Variants in RFX4 observed in about 807,000 individuals in gnomAD.
RFX4 encodes the protein transcription factor RFX4.
A neutral mutation model predicts 95.0 loss-of-function variants in RFX4; 10 were observed. The ratio of observed to expected loss-of-function variants is 0.11; its 90% confidence interval spans 0.06 to 0.18. RFX4 has a LOEUF of 0.18. RFX4 is among the 10% of genes least tolerant of loss of function. RFX4 has a pLI of 1.00. For missense variants in RFX4, 640 were observed against 922.0 expected, an observed-to-expected ratio of 0.69 and a Z score of 3.96; for synonymous variants, 321 against 340.7, an observed-to-expected ratio of 0.94 and a Z score of 0.64.
At chr12:106,684,689 C>G (rs962076001) in intron 5 of RFX4, 32 of 1,469,082 alleles carry the variant, frequency 2.2e-5, no homozygotes, top group Non-Finnish European at 4.5e-6. Flanking sequence ...GCTCCTCCCC[C>G]ACCCACAGAG....
intron 1 of RFX4, among the ~76,000 whole-genome samples, chr12:106,608,363 C>G (rs758630805): frequency 6.6e-6 from 1 of 152,210 alleles, no homozygotes; most frequent in African/African-American, 2.4e-5. Flanking sequence ...CTGCTTTTCT[C>G]TTTGTTTTCA....
rs2041667939 is a variant in RFX4, at chr12:106,687,029, G to A, written c.523G>A (p.Gly175Arg). The change falls in exon 6 of 18, where the codon GGA becomes AGA. Residue 175 changes from glycine to arginine, a missense_variant. By Grantham distance (125) the Gly-to-Arg change is moderately radical (BLOSUM62 -2). This residue lies in a region of RFX4 where 89 missense variants were observed against 173.8 expected (regional missense o/e 0.51). Transcript: ENST00000392842. ...TVAYSPRSKLGTLLPEFPNVK... is the reference protein window; with the variant it reads ...TVAYSPRSKLRTLLPEFPNVK... ...GGCATATTCACCCCGGTCCAAACTC[G>A]GAACACTGCTGCCAGAATTTCCCAA... The A allele has an allele frequency of 3.1e-6, 5 of 1,613,896 alleles. No individual in the cohort carries two copies. The highest frequency in any genetic ancestry group is 4.2e-6 in the Non-Finnish European group (5 of 1,179,986).
chr12:106,711,370 C>T (rs1454004277), intron 9 of RFX4, 83 bp from the exon 10 acceptor site: 2 of 1,316,312 alleles, frequency 1.5e-6, no homozygotes, highest in African/African-American at 2.9e-5. Flanking sequence ...AAGCAGGCTA[C>T]TTTTTGAAAT....
At chr12:106,715,664 T>C (rs1267176285) in intron 11 of RFX4, 120 bp downstream of exon 11, 9 of 1,080,460 alleles carry the variant, frequency 8.3e-6, no homozygotes, top group Non-Finnish European at 1.2e-5. Flanking sequence ...TTCCTCCTTA[T>C]TGTTCCTTAT....
chr12:106,698,695 C>A (rs1291342957), intron 8 of RFX4, among the ~76,000 whole-genome samples: 1 of 151,024 alleles, frequency 6.6e-6, no homozygotes, highest in Non-Finnish European at 1.5e-5. Flanking sequence ...TGTTCCCTCT[C>A]TTCTTTTTTT....
At chr12:106,748,670 C>A (rs1021145307) in intron 16 of RFX4, among the ~76,000 whole-genome samples, 1 of 152,134 alleles carries the variant, frequency 6.6e-6, no homozygotes, top group African/African-American at 2.4e-5. Context: ...AGATCCTGAC[C>A]GGGCACAGTG....
chr12:106,645,542 A>G (rs976893835), intron 3 of RFX4, among the ~76,000 whole-genome samples: 2 of 152,156 alleles, frequency 1.3e-5, no homozygotes, highest in African/African-American at 4.8e-5. Flanking sequence ...AAAAAATTAA[A>G]TTGAGGACTT....
chr12:106,583,232 C>G lies in RFX4; in HGVS notation c.-89C>G. On this transcript the variant is annotated 5_prime_UTR_variant, in exon 1 of 18. Coordinates refer to ENST00000392842, the MANE Select transcript of RFX4 (RefSeq NM_213594.3). ...TCTCTCTCTCCCCTTCTCCCTCCCTCCCTCCCTTCCTCCCTGGGCATCTCT... is the reference window on the plus strand; with the variant it reads ...TCTCTCTCTCCCCTTCTCCCTCCCTGCCTCCCTTCCTCCCTGGGCATCTCT... The G allele has an allele frequency of 3.2e-6, 2 of 622,504 alleles. No homozygotes were observed. Among genetic ancestry groups the G allele is most frequent in the Non-Finnish European group, 5.3e-6 (2 of 380,036 alleles). The allele number at this position is 622,504 out of a possible 1,614,324, so 38.6% of individuals were successfully genotyped here. A position where few individuals can be genotyped will look rare whatever the true frequency, so the allele number is the denominator to read the frequency against.
At chr12:106,612,854 T>C (rs2137214824) in intron 2 of RFX4, among the ~76,000 whole-genome samples, 1 of 151,946 alleles carries the variant, frequency 6.6e-6, no homozygotes, top group South Asian at 2.1e-4. Context: ...AAAAAAAAGA[T>C]GATTTCATCT....
At chr12:106,623,819 G>GT (rs2040234883) in intron 2 of RFX4, among the ~76,000 whole-genome samples, 1 of 152,222 alleles carries the variant, frequency 6.6e-6, no homozygotes, top group African/African-American at 2.4e-5. Flanking sequence ...GCTTTGGATT[G>GT]TAAGAGACAG....
At chr12:106,619,404 T>C (rs2040134726) in intron 2 of RFX4, among the ~76,000 whole-genome samples, 1 of 152,200 alleles carries the variant, frequency 6.6e-6, no homozygotes, top group Non-Finnish European at 1.5e-5. Context: ...TTTAAAGTTA[T>C]CATTCCACTG....
chr12:106,663,409 T>G (rs970398663), intron 4 of RFX4, among the ~76,000 whole-genome samples: 1 of 152,104 alleles, frequency 6.6e-6, no homozygotes, highest in African/African-American at 2.4e-5. Flanking sequence ...ATTAGCCTTG[T>G]ATCTTGCAAC....
In RFX4 at chr12:106,608,908, C is replaced by T. The variant is rs1193362395; in HGVS notation, c.130+25C>T. ...AGTAAGTGCTTGAAACTCATTCTTCCATGACATCCCAGACATGGCCAATGT... is the reference window on the plus strand; with the variant it reads ...AGTAAGTGCTTGAAACTCATTCTTCTATGACATCCCAGACATGGCCAATGT... On this transcript the variant is annotated intron_variant, in intron 2 of 17. Transcript: ENST00000392842. 1.9e-6 allele frequency: 3 copies of T among 1,598,056 alleles called. No homozygotes were observed. The South Asian group carries it at 3.4e-5, about 18-fold the overall frequency.
At chr12:106,668,958 G>A (rs2041230193) in intron 4 of RFX4, among the ~76,000 whole-genome samples, 1 of 152,142 alleles carries the variant, frequency 6.6e-6, no homozygotes, top group South Asian at 2.1e-4. Context: ...AGGCCATTTG[G>A]CCTCAAAAAT....
intron 16 of RFX4, among the ~76,000 whole-genome samples, chr12:106,748,896 C>A (rs1008216424): frequency 6.6e-6 from 1 of 152,016 alleles, no homozygotes; most frequent in Admixed American, 6.6e-5. Context: ...ATCATCCTGG[C>A]GAACATGGTG....
At chr12:106,645,595 A>G (rs2040728987) in intron 3 of RFX4, among the ~76,000 whole-genome samples, 1 of 152,188 alleles carries the variant, frequency 6.6e-6, no homozygotes, top group South Asian at 2.1e-4. Flanking sequence ...AATATGAAAC[A>G]AAAGAAATTT....
chr12:106,758,455 T>A (rs1367261348), intron 17 of RFX4, among the ~76,000 whole-genome samples: 1 of 152,182 alleles, frequency 6.6e-6, no homozygotes, highest in East Asian at 1.9e-4. Context: ...CTCTTTTCAG[T>A]CTATGACACA....
At chr12:106,600,634 G>T (rs1006144058) in intron 1 of RFX4, among the ~76,000 whole-genome samples, 1 of 152,132 alleles carries the variant, frequency 6.6e-6, no homozygotes, top group Non-Finnish European at 1.5e-5. Context: ...TCCTCCAATA[G>T]CTTCTTAGCG....
intron 13 of RFX4, among the ~76,000 whole-genome samples, chr12:106,727,039 TG>T (rs372790257): frequency 5.9e-5 from 9 of 152,198 alleles, no homozygotes; most frequent in African/African-American, 2.2e-4. Flanking sequence ...CCCAAATTGC[TG>T]GGGTTACAAG....
Sources: gnomAD v4.1 joint callset for allele counts (sites outside exome capture counted in the v4.1 genomes callset) on GRCh38, gnomAD v4.1.1 for gene constraint, gnomAD v4.1.1 regional missense constraint, MANE v1.5 for transcripts, NCBI Gene and HGNC (gene_info 2026-07-23, HGNC 2026-07-21) for gene names.